ZFPM2: variants seen among roughly 807,000 people sequenced by gnomAD.
ZFPM2 encodes zinc finger protein, FOG family member 2.
Under a neutral mutation model 98.6 loss-of-function variants are expected in ZFPM2, and 20 were observed. The observed-to-expected ratio is 0.20, with a 90% CI of 0.14 to 0.29. The LOEUF is 0.29. Among genes scored for constraint, ZFPM2 ranks in the 10% least tolerant of loss-of-function variants. ZFPM2 has a pLI of 1.00. For synonymous variants in ZFPM2, 518 were observed against 502.7 expected, an observed-to-expected ratio of 1.03 and a Z score of -0.41; for missense variants, 1,310 against 1,388.6, an observed-to-expected ratio of 0.94 and a Z score of 0.90.
At chr8:105,712,726 G>A (rs1412479271) in intron 5 of ZFPM2, among the ~76,000 whole-genome samples, 2 of 152,024 alleles carry the variant, frequency 1.3e-5, no homozygotes, top group Non-Finnish European at 2.9e-5. Flanking sequence ...TCCTTTTGGA[G>A]TCCCCAGTGT....
intron 6 of ZFPM2, among the ~76,000 whole-genome samples, chr8:105,792,162 G>GTTCTT (rs1813634628): frequency 6.6e-6 from 1 of 152,066 alleles, no homozygotes; most frequent in African/African-American, 2.4e-5. Flanking sequence ...TGCTTTTCTA[G>GTTCTT]TTCTTTTAAT....
intron 7 of ZFPM2, among the ~76,000 whole-genome samples, chr8:105,799,643 C>A (rs1813940462): frequency 6.6e-6 from 1 of 152,144 alleles, no homozygotes; most frequent in African/African-American, 2.4e-5. Context: ...CATTTCATAG[C>A]ATTCTAATTA....
At chr8:105,564,652 G>C (rs2130706555) in intron 4 of ZFPM2, among the ~76,000 whole-genome samples, 2 of 152,096 alleles carry the variant, frequency 1.3e-5, no homozygotes, top group South Asian at 4.2e-4. Context: ...TCGAGAGTCT[G>C]CTTTTTTAAA....
At chr8:105,772,019 T>C (rs190579511) in intron 5 of ZFPM2, among the ~76,000 whole-genome samples, 114 of 113,432 alleles carry the variant, frequency 1.0e-3, no homozygotes, top group African/African-American at 6.8e-3. Flanking sequence ...TCACAAGTGA[T>C]GGTGGAATAC....
Position 105,454,861 on chromosome 8 carries a change from G to A in ZFPM2, c.301+10480G>A, listed in dbSNP as rs570556900. On this transcript the variant is annotated intron_variant, in intron 3 of 7. Transcript: ENST00000407775. ...CCAAAAGTGACTAAGACCTCAGGGTGGTTTCTGAGACATTTTGACGTGAAC... is the reference window on the plus strand; with the variant it reads ...CCAAAAGTGACTAAGACCTCAGGGTAGTTTCTGAGACATTTTGACGTGAAC... Among the ~76,000 whole-genome samples, 4 of 152,222 alleles carry A rather than the reference G, an allele frequency of 2.6e-5. No homozygotes were observed. In the South Asian group the frequency reaches 6.2e-4, roughly 24 times the overall value.
chr8:105,326,688 A>G (rs1443758258), intron 1 of ZFPM2, among the ~76,000 whole-genome samples: 1 of 151,662 alleles, frequency 6.6e-6, no homozygotes, highest in Non-Finnish European at 1.5e-5. Flanking sequence ...GTAGACTTTC[A>G]TGTCATCTGG....
intron 4 of ZFPM2, among the ~76,000 whole-genome samples, chr8:105,569,350 C>T (rs1344186814): frequency 1.3e-5 from 2 of 152,178 alleles, no homozygotes; most frequent in Non-Finnish European, 2.9e-5. Flanking sequence ...CACACCCCTC[C>T]TTATTCAAGA....
chr8:105,451,515 T>C (rs2130254403), intron 3 of ZFPM2: 1 of 152,302 alleles, frequency 6.6e-6, no homozygotes, highest in East Asian at 1.9e-4. Flanking sequence ...CATGGTAAAG[T>C]AGGGTGGACC....
At chr8:105,459,298 C>T (rs1240494205) in intron 3 of ZFPM2, among the ~76,000 whole-genome samples, 1 of 152,164 alleles carries the variant, frequency 6.6e-6, no homozygotes, top group African/African-American at 2.4e-5. Flanking sequence ...GGAACCAGAA[C>T]CTTCCAAACT....
intron 1 of ZFPM2, among the ~76,000 whole-genome samples, chr8:105,413,093 A>G (rs1179338046): frequency 6.6e-6 from 1 of 151,852 alleles, no homozygotes; most frequent in East Asian, 1.9e-4. Flanking sequence ...AATTGAACAA[A>G]CAGGATATAT....
intron 3 of ZFPM2, among the ~76,000 whole-genome samples, chr8:105,498,716 A>G (rs1813526850): frequency 6.6e-6 from 1 of 152,192 alleles, no homozygotes; most frequent in African/African-American, 2.4e-5. Flanking sequence ...AAAGCTCAGC[A>G]TGTTTGGAAG....
intron 1 of ZFPM2, among the ~76,000 whole-genome samples, chr8:105,357,404 A>T (rs920109410): frequency 3.3e-5 from 5 of 152,220 alleles, no homozygotes; most frequent in African/African-American, 1.2e-4. Flanking sequence ...ACATGTACAC[A>T]CAAAGAGTTC....
At chr8:105,584,747 T>G (rs1165328500) in intron 4 of ZFPM2, among the ~76,000 whole-genome samples, 1 of 152,192 alleles carries the variant, frequency 6.6e-6, no homozygotes, top group Non-Finnish European at 1.5e-5. Flanking sequence ...GAAACTAGTC[T>G]GGACAATGTC....
intron 5 of ZFPM2, among the ~76,000 whole-genome samples, chr8:105,732,031 G>A (rs1261204952): frequency 6.6e-6 from 1 of 151,674 alleles, no homozygotes; most frequent in Non-Finnish European, 1.5e-5. Flanking sequence ...TTGGTAGGCT[G>A]TGGCAAAAAG....
chr8:105,454,607 T>C (rs1812552168), intron 3 of ZFPM2, among the ~76,000 whole-genome samples: 1 of 152,204 alleles, frequency 6.6e-6, no homozygotes, highest in Non-Finnish European at 1.5e-5. Flanking sequence ...AACTTTTCCC[T>C]AATAATTATT....
At chr8:105,361,566 T>C (rs1255782114) in intron 1 of ZFPM2, among the ~76,000 whole-genome samples, 1 of 152,194 alleles carries the variant, frequency 6.6e-6, no homozygotes, top group Non-Finnish European at 1.5e-5. Context: ...ATTTGTTACA[T>C]ATATGTGCTA....
At chr8:105,418,192 G>C (rs1345130478) in intron 1 of ZFPM2, among the ~76,000 whole-genome samples, 3 of 152,178 alleles carry the variant, frequency 2.0e-5, no homozygotes, top group Non-Finnish European at 4.4e-5. Flanking sequence ...TATTTAGCCT[G>C]TCTGATGGGA....
At chr8:105,596,318 T>C (rs1373839796) in intron 4 of ZFPM2, among the ~76,000 whole-genome samples, 1 of 152,052 alleles carries the variant, frequency 6.6e-6, no homozygotes, top group Non-Finnish European at 1.5e-5. Flanking sequence ...GAGTTTTCTT[T>C]CATTTTCTTT....
intron 3 of ZFPM2, among the ~76,000 whole-genome samples, chr8:105,517,011 A>G (rs1349112605): frequency 2.0e-5 from 3 of 152,180 alleles, no homozygotes; most frequent in Admixed American, 6.5e-5. Flanking sequence ...AGAATCTTCT[A>G]TTCATCGTCT....
Sources: allele counts gnomAD v4.1 joint callset (sites outside exome capture counted in the v4.1 genomes callset), GRCh38; gene constraint gnomAD v4.1.1; transcripts MANE v1.5; gene names NCBI Gene and HGNC (gene_info 2026-07-23, HGNC 2026-07-21).